The following SMARCA4 variants were observed in gnomAD, a reference collection of about 807,000 sequenced individuals.
SMARCA4 encodes the protein SWI/SNF-related matrix-associated actin-dependent regulator of chromatin subfamily A member 4.
Under a neutral mutation model 193.9 loss-of-function variants are expected in SMARCA4, and 31 were observed. The ratio of observed to expected loss-of-function variants is 0.16; its 90% CI spans 0.12 to 0.22. SMARCA4 has a LOEUF of 0.22. Among genes scored for constraint, SMARCA4 ranks in the 10% least tolerant of loss-of-function variants. The probability of loss-of-function intolerance (pLI) is 1.00; values close to 1 mark genes in which losing one functional copy is unlikely to be tolerated. For synonymous variants in SMARCA4, 942 were observed against 933.1 expected, an observed-to-expected ratio of 1.01 and a Z score of -0.17; for missense variants, 1,148 against 2,296.0, an observed-to-expected ratio of 0.50 and a Z score of 10.22.
Position 11,060,436 on chromosome 19 carries a change from C to A in SMARCA4, c.4911+249C>A, listed in dbSNP as rs951473017. On this transcript the variant is annotated intron_variant, in intron 34 of 34. Transcript: ENST00000344626. ...GTGGGTGTCTGGGGACTGGGGGACA[C>A]GTGAGTCCTCAGGACAGGCAGCAGG... The A allele has an allele frequency of 8.5e-6, 5 of 590,014 alleles. No homozygotes were observed. In the Admixed American group the frequency reaches 1.2e-4, roughly 14 times the overall value. The allele number at this position is 590,014 out of a possible 1,614,324, so 36.5% of individuals were successfully genotyped here.
At chr19:11,032,378 A>T (rs2074986596) in intron 25 of SMARCA4, 1 of 152,226 alleles carries the variant, frequency 6.6e-6, no homozygotes, top group Admixed American at 6.6e-5. Flanking sequence ...TAAAACTAAC[A>T]ACCCAGGCTG....
At chr19:11,007,479 C>A (rs1389689337) in intron 13 of SMARCA4, among the ~76,000 whole-genome samples, 1 of 150,900 alleles carries the variant, frequency 6.6e-6, no homozygotes, top group Non-Finnish European at 1.5e-5. Flanking sequence ...TGGCATTTGC[C>A]TGTAGTCCCA....
At chr19:10,966,395 A>G (rs1242866370) in intron 1 of SMARCA4, among the ~76,000 whole-genome samples, 2 of 152,220 alleles carry the variant, frequency 1.3e-5, no homozygotes, top group Non-Finnish European at 2.9e-5. Context: ...ATCCAAGACC[A>G]GCCTGGGCAG....
Position 11,042,767 on chromosome 19 carries a change from A to T in SMARCA4, c.4424+1207A>T, listed in dbSNP as rs543884876. On this transcript the variant is annotated intron_variant, in intron 30 of 34. Coordinates refer to ENST00000344626, the MANE Select transcript of SMARCA4 (RefSeq NM_003072.5). ...TTTGAGAGGCTGAGGTGGGAGGATC[A>T]CTTGAGGTCAGGAGTTTGAGACCAG... Among the ~76,000 whole-genome samples the T allele has an allele frequency of 2.0e-5, 3 of 152,326 alleles. No individual in the cohort carries two copies. The South Asian group carries it at 6.2e-4, about 32-fold the overall frequency.
intron 30 of SMARCA4, among the ~76,000 whole-genome samples, chr19:11,043,388 A>G (rs2075729886): frequency 6.6e-6 from 1 of 152,268 alleles, no homozygotes; most frequent in Admixed American, 6.5e-5. Flanking sequence ...TGAAAATGTC[A>G]TGTGTTGTCA....
intron 1 of SMARCA4, among the ~76,000 whole-genome samples, chr19:10,979,053 A>G (rs563401514): frequency 3.9e-5 from 6 of 152,316 alleles, no homozygotes; most frequent in Admixed American, 2.6e-4. Flanking sequence ...GAAGACCATA[A>G]GAAGATGCGA....
chr19:11,022,026 T>C (rs2089910734), intron 19 of SMARCA4, 59 bp downstream of exon 19: 1 of 1,608,530 alleles, frequency 6.2e-7, no homozygotes, highest in African/African-American at 1.3e-5. Context: ...CTTTGCTGGT[T>C]GGAACGTGTT....
intron 19 of SMARCA4, among the ~76,000 whole-genome samples, chr19:11,022,533 C>T (rs2089953882): frequency 6.6e-6 from 1 of 152,226 alleles, no homozygotes; most frequent in African/African-American, 2.4e-5. Context: ...GAGCCTAGAG[C>T]TCCTTGCTGT....
At position 10,994,929 on chromosome 19, in the gene SMARCA4, C is replaced by T. The variant is rs2145940628; in HGVS notation, c.1521C>T (p.Tyr507=). Reference sequence around the variant, plus strand: ...AGCTGACCAAGGCAGTGGCCACGTACCATGCCAACACGGAGCGGGAGCAGA... The same window carrying T: ...AGCTGACCAAGGCAGTGGCCACGTATCATGCCAACACGGAGCGGGAGCAGA... ...IQKLTKAVAT[Y]HANTEREQKK... Residue 507 remains tyrosine (Y), a synonymous_variant, in exon 9 of 35, where the codon TAC becomes TAT. Coordinates refer to ENST00000344626, the MANE Select transcript of SMARCA4 (RefSeq NM_003072.5). The T allele has an allele frequency of 1.2e-6, 2 of 1,614,122 alleles. No individual in the cohort carries two copies. The highest frequency in any genetic ancestry group is 1.7e-6 in the Non-Finnish European group (2 of 1,179,990).
Position 11,019,840 on chromosome 19 carries a change from A to C in SMARCA4, c.2616+139A>C. The stretch of plus-strand genomic sequence containing the variant: ...GTGCGTGAAGACAGCTGCCCTGTGT[A>C]GGGGAAAGGCCTAGGTGGGGGCGAC... On this transcript the variant is annotated intron_variant, in intron 18 of 34. Transcript: ENST00000344626. This position sits in a 1 kb window ranked among gnomAD's most constrained non-coding sequence, Gnocchi z 6.1. 1 of 709,510 alleles carries C rather than the reference A, an allele frequency of 1.4e-6. No individual in the cohort carries two copies. Among genetic ancestry groups the C allele is most frequent in the Non-Finnish European group, 2.5e-6 (1 of 394,508 alleles). 44.0% of individuals were successfully genotyped at this position (709,510 alleles called of 1,614,324 possible).
intron 24 of SMARCA4, among the ~76,000 whole-genome samples, chr19:11,028,312 C>T (rs2090407188): frequency 6.6e-6 from 1 of 152,222 alleles, no homozygotes; most frequent in Admixed American, 6.5e-5. Flanking sequence ...GGTTAAACAT[C>T]CTTCAGGCAC....
chr19:11,042,972 A>C (rs1323018286), intron 30 of SMARCA4, among the ~76,000 whole-genome samples: 1 of 151,606 alleles, frequency 6.6e-6, no homozygotes, highest in Admixed American at 6.6e-5. Context: ...CAAGACGCCC[A>C]CTCCAAAAAC....
chr19:11,018,733 T>G, intron 16 of SMARCA4: 1 of 641,688 alleles, frequency 1.6e-6, no homozygotes, highest in Non-Finnish European at 2.9e-6. Flanking sequence ...CCTTGCCCTC[T>G]TTTCCCAGTG....
chr19:10,996,596 G>A (rs2145984088), intron 11 of SMARCA4, 52 bp downstream of exon 11: 1 of 1,520,470 alleles, frequency 6.6e-7, no homozygotes, highest in Non-Finnish European at 9.1e-7. Flanking sequence ...TAAGGCGTTG[G>A]TCTGTTTCAG....
chr19:10,979,834 G>A (rs936714975), intron 1 of SMARCA4, among the ~76,000 whole-genome samples: 1 of 152,162 alleles, frequency 6.6e-6, no homozygotes, highest in Non-Finnish European at 1.5e-5. Context: ...CCCTGGGAGA[G>A]TGGTATTGAC....
chr19:11,018,887 G>C, intron 16 of SMARCA4, 70 bp from the exon 17 acceptor site: 2 of 1,307,976 alleles, frequency 1.5e-6, no homozygotes. Context: ...GACAGCCAGT[G>C]GCTATGGGTT....
chr19:10,994,102 C>G (rs537483878), intron 8 of SMARCA4, among the ~76,000 whole-genome samples: 17 of 151,784 alleles, frequency 1.1e-4, no homozygotes, highest in Non-Finnish European at 2.2e-4. Flanking sequence ...TACAGTGGTG[C>G]GATCTCAGCT....
intron 30 of SMARCA4, among the ~76,000 whole-genome samples, chr19:11,051,637 T>G (rs929434921): frequency 6.6e-6 from 1 of 151,834 alleles, no homozygotes; most frequent in Non-Finnish European, 1.5e-5. Flanking sequence ...ACTACAGGCA[T>G]GCACCACCAC....
intron 30 of SMARCA4, among the ~76,000 whole-genome samples, chr19:11,052,876 G>A (rs2076338617): frequency 1.3e-5 from 2 of 152,192 alleles, no homozygotes; most frequent in Admixed American, 1.3e-4. Flanking sequence ...GTGGTGCCAT[G>A]TATAACACCC....
Sources: gnomAD v4.1 joint callset for allele counts (sites outside exome capture counted in the v4.1 genomes callset) on GRCh38, gnomAD v4.1.1 for gene constraint, Gnocchi (gnomAD v3.1) non-coding constraint, MANE v1.5 for transcripts, NCBI Gene and HGNC (gene_info 2026-07-23, HGNC 2026-07-21) for gene names.